HEATR1: variants seen among roughly 807,000 people sequenced by gnomAD.
HEATR1 encodes the protein HEAT repeat-containing protein 1.
HEATR1 carries 77 observed loss-of-function variants against 248.2 expected under a neutral mutation model. That is an observed-to-expected ratio of 0.31 (90% CI 0.26 to 0.37). The LOEUF (loss-of-function observed/expected upper bound fraction) is 0.37, where lower values mean the gene tolerates loss of function less well. Ranked by LOEUF, HEATR1 falls within the 10% of genes least tolerant of loss-of-function variation. HEATR1 has a pLI of 1.00. For synonymous variants in HEATR1, 897 were observed against 923.1 expected (o/e 0.97, Z 0.51); for missense variants, 2,420 against 2,504.9 (o/e 0.97, Z 0.72).
intron 17 of HEATR1, among the ~76,000 whole-genome samples, chr1:236,583,429 C>G (rs971343723): frequency 1.3e-5 from 2 of 151,018 alleles, no homozygotes; most frequent in Non-Finnish European, 2.9e-5. Flanking sequence ...TAAAAACAAA[C>G]TTTATTCATA....
chr1:236,590,904 A>G lies in HEATR1; in HGVS notation c.1473T>C (p.Leu491=). ...TCATGGCCAGAATTCTCACAGGAGC[A>G]AGTGGATGATTCAGGCTGAGCATCA... ...TSLMLSLNHP[L]APVRILAMNH... is the part of the protein sequence containing the mutation. The change falls in exon 12 of 45, where the codon CTT becomes CTC. Residue 491 remains leucine, a synonymous_variant. Coordinates refer to ENST00000366582, the MANE Select transcript of HEATR1 (RefSeq NM_018072.6). 1 of 1,523,538 alleles carries G rather than the reference A, an allele frequency of 6.6e-7. No homozygotes were observed. The highest frequency in any genetic ancestry group is 8.9e-7 in the Non-Finnish European group (1 of 1,126,346). 94.4% of individuals were successfully genotyped at this position (1,523,538 alleles called of 1,614,324 possible).
chr1:236,592,141 T>G (rs1215749993), intron 10 of HEATR1, 31 bp from the exon 11 acceptor site: 3 of 1,123,652 alleles, frequency 2.7e-6, no homozygotes, highest in Non-Finnish European at 4.0e-6. Context: ...GAATTCATTA[T>G]TCTTAATAAA....
chr1:236,571,497 C>T (rs1175016222), intron 27 of HEATR1, 25 bp from the exon 28 acceptor site: 7 of 1,613,440 alleles, frequency 4.3e-6, no homozygotes, highest in Non-Finnish European at 5.1e-6. Flanking sequence ...AAGACAAAAA[C>T]CCTAAGTGGC....
Position 236,603,222 on chromosome 1 carries a change from A to G in HEATR1, c.297T>C (p.Ile99=). The change falls in exon 3 of 45, where the codon ATT becomes ATC. Residue 99 remains isoleucine, a synonymous_variant. Transcript: ENST00000366582. ...QLDENISLFL[I]HLSPYFLLKP... is the part of the protein sequence containing the mutation. ...TAAGCAGGAAGTAAGGCGACAAGTG[A>G]ATAAGGAATAATGAAATGTTTTCAT... 6.2e-7 allele frequency: 1 copy of G among 1,614,174 alleles called. No homozygotes were observed. Among genetic ancestry groups the G allele is most frequent in the Non-Finnish European group, 8.5e-7 (1 of 1,180,022 alleles).
intron 42 of HEATR1, among the ~76,000 whole-genome samples, chr1:236,553,972 T>C (rs544821827): frequency 5.8e-4 from 89 of 152,324 alleles, no homozygotes; most frequent in African/African-American, 2.0e-3. Context: ...AGAGGAGCTC[T>C]TTGCTCCAGA....
At chr1:236,558,891 A>T in intron 35 of HEATR1, 104 bp downstream of exon 35, 1 of 968,246 alleles carries the variant, frequency 1.0e-6, no homozygotes, top group Non-Finnish European at 1.5e-6. Context: ...AAAATAATAT[A>T]CTTCAATTTG....
chr1:236,559,256 T>TTTCTTATTTAA, intron 34 of HEATR1, 121 bp from the exon 35 acceptor site: 2 of 654,852 alleles, frequency 3.1e-6, no homozygotes, highest in Non-Finnish European at 4.7e-6. Context: ...CCACACACAT[T>TTTCTTATTTAA]TTCTTATTTA....
In HEATR1 at chr1:236,583,149, G is replaced by C. The variant is rs149323115; in HGVS notation, c.2289C>G (p.Ile763Met). 3 of 1,613,396 alleles carry C rather than the reference G, an allele frequency of 1.9e-6. No homozygotes were observed. Among genetic ancestry groups the C allele is most frequent in the Non-Finnish European group, 2.5e-6 (3 of 1,179,796 alleles). Residue 763 changes from isoleucine to methionine, a missense_variant, in exon 18 of 45, where the codon ATC becomes ATG. By Grantham distance (10) the Ile-to-Met change is conservative. Coordinates refer to ENST00000366582, the MANE Select transcript of HEATR1 (RefSeq NM_018072.6). ...CATAATGTGCCCACAGCTCCACTGG[G>C]ATCCCTCTGTCTAACATCAGTTCAA... ...WHIELMLDRG[I>M]PVELWAHYVE...
chr1:236,591,928 G>C, intron 11 of HEATR1, 65 bp downstream of exon 11: 1 of 917,942 alleles, frequency 1.1e-6, no homozygotes, highest in Non-Finnish European at 1.7e-6. Context: ...TTTCCTTCTG[G>C]AGCTCTTCAC....
At chr1:236,597,157 A>C (rs1664199218) in intron 5 of HEATR1, among the ~76,000 whole-genome samples, 181 bp from the exon 6 acceptor site, 1 of 151,834 alleles carries the variant, frequency 6.6e-6, no homozygotes, top group Non-Finnish European at 1.5e-5. Context: ...CCAAATAAAT[A>C]TTTACAGCTC....
intron 17 of HEATR1, 93 bp from the exon 18 acceptor site, chr1:236,583,289 T>G (rs1663802516): frequency 1.8e-6 from 2 of 1,109,872 alleles, no homozygotes. Flanking sequence ...AAAGTTTTGT[T>G]TATGTGTGCA....
intron 3 of HEATR1, among the ~76,000 whole-genome samples, chr1:236,599,845 A>G (rs776851745): frequency 2.6e-5 from 4 of 152,200 alleles, no homozygotes; most frequent in Non-Finnish European, 5.9e-5. Context: ...ATATCTTTGA[A>G]TATTCTACAT....
In HEATR1 at chr1:236,558,832, C is replaced by T. The variant is rs75210913; in HGVS notation, c.4911+163G>A. Among the ~76,000 whole-genome samples, 44 of 152,300 alleles carry T rather than the reference C, an allele frequency of 2.9e-4. No individual in the cohort carries two copies. In the East Asian group the frequency reaches 6.9e-3, roughly 24 times the overall value. Reference sequence around the variant, plus strand: ...AGCTCTTACAACACACATATATTCCCGTTAGAATTAACGTCACATTTTAAA... The same window carrying T: ...AGCTCTTACAACACACATATATTCCTGTTAGAATTAACGTCACATTTTAAA... On this transcript the variant is annotated intron_variant, in intron 35 of 44. Transcript: ENST00000366582.
At chr1:236,599,403 C>T (rs1396373914) in intron 4 of HEATR1, 80 bp downstream of exon 4, 1 of 1,207,872 alleles carries the variant, frequency 8.3e-7, no homozygotes, top group Non-Finnish European at 1.2e-6. Context: ...TCCCCAGGAG[C>T]AATGACTTAT....
At chr1:236,571,906 T>G (rs1477628058) in intron 26 of HEATR1, among the ~76,000 whole-genome samples, 1 of 152,188 alleles carries the variant, frequency 6.6e-6, no homozygotes, top group African/African-American at 2.4e-5. Context: ...CCACGTCCTC[T>G]CTATTGCACT....
At chr1:236,566,356 G>C (rs1384026179) in intron 30 of HEATR1, among the ~76,000 whole-genome samples, 1 of 152,130 alleles carries the variant, frequency 6.6e-6, no homozygotes, top group Non-Finnish European at 1.5e-5. Flanking sequence ...TTACTCTTCA[G>C]CCATACTCTG....
chr1:236,553,221 C>G (rs556530019), intron 43 of HEATR1, among the ~76,000 whole-genome samples: 1 of 152,282 alleles, frequency 6.6e-6, no homozygotes, highest in Admixed American at 6.5e-5. Context: ...TGGATAAATT[C>G]AATGCATTTC....
intron 29 of HEATR1, among the ~76,000 whole-genome samples, chr1:236,567,246 G>A (rs982544709): frequency 2.6e-5 from 4 of 152,054 alleles, no homozygotes; most frequent in Non-Finnish European, 4.4e-5. Flanking sequence ...CCAAAGTGCT[G>A]GTGTTACAGG....
At chr1:236,557,105 A>C in intron 37 of HEATR1, 90 bp downstream of exon 37, 1 of 1,347,816 alleles carries the variant, frequency 7.4e-7, no homozygotes, top group African/African-American at 1.5e-5. Flanking sequence ...ACGGAAACTA[A>C]CCCTTAAAGA....
Sources: gnomAD v4.1 joint callset for allele counts (sites outside exome capture counted in the v4.1 genomes callset) on GRCh38, gnomAD v4.1.1 for gene constraint, MANE v1.5 for transcripts, NCBI Gene and HGNC (gene_info 2026-07-23, HGNC 2026-07-21) for gene names.